The following TFDP1 variants were observed in gnomAD, a reference collection of about 807,000 sequenced individuals.
TFDP1 encodes the protein DRTF1-polypeptide 1.
A neutral mutation model predicts 48.0 loss-of-function variants in TFDP1; 6 were observed. That is an observed-to-expected ratio of 0.13 (90% CI 0.07 to 0.25). TFDP1 has a LOEUF of 0.25. Ranked by LOEUF, TFDP1 falls within the 10% of genes least tolerant of loss-of-function variation. The probability of loss-of-function intolerance (pLI) is 1.00; values close to 1 mark genes in which losing one functional copy is unlikely to be tolerated. For synonymous variants in TFDP1, 201 were observed against 211.6 expected (o/e 0.95, Z 0.44); for missense variants, 335 against 543.0 (o/e 0.62, Z 3.81).
chr13:113,604,944 T>C (rs2048528197), intron 2 of TFDP1, among the ~76,000 whole-genome samples: 1 of 152,126 alleles, frequency 6.6e-6, no homozygotes, highest in African/African-American at 2.4e-5. Context: ...TTTGTAAAGG[T>C]GAGCAGCAGC....
At chr13:113,621,300 A>C (rs73577476) in intron 3 of TFDP1, among the ~76,000 whole-genome samples, 2,217 of 152,176 alleles carry the variant, frequency 0.015, 51 homozygotes, top group African/African-American at 0.051. Flanking sequence ...TGTTTTCTTC[A>C]CCTGAGAGTA....
At chr13:113,617,297 G>A (rs188259024) in intron 3 of TFDP1, among the ~76,000 whole-genome samples, 80 of 152,316 alleles carry the variant, frequency 5.3e-4, no homozygotes, top group Middle Eastern at 6.8e-3. Flanking sequence ...TCCATGGAGC[G>A]GGTGCCTGGC....
chr13:113,619,142 T>C (rs2048932658), intron 3 of TFDP1, among the ~76,000 whole-genome samples: 1 of 152,170 alleles, frequency 6.6e-6, no homozygotes. Flanking sequence ...AATTGTCATG[T>C]TATTGTTTGT....
At chr13:113,618,923 A>G (rs2140453720) in intron 3 of TFDP1, among the ~76,000 whole-genome samples, 1 of 152,348 alleles carries the variant, frequency 6.6e-6, no homozygotes, top group African/African-American at 2.4e-5. Flanking sequence ...CACAAAAACA[A>G]TCATTTATAG....
chr13:113,638,651 G>C (rs2049565122), intron 11 of TFDP1, among the ~76,000 whole-genome samples: 1 of 152,108 alleles, frequency 6.6e-6, no homozygotes, highest in Admixed American at 6.5e-5. Flanking sequence ...TTGTTTCTAT[G>C]CTATTAAAGG....
At chr13:113,585,750 T>A (rs1419485250) in intron 1 of TFDP1, 24 bp from the exon 2 acceptor site, 4 of 1,264,294 alleles carry the variant, frequency 3.2e-6, no homozygotes. Context: ...TGTTTTTCCT[T>A]ACTTTTTTTT....
At chr13:113,610,862 T>C in intron 2 of TFDP1, 134 bp from the exon 3 acceptor site, 1 of 765,324 alleles carries the variant, frequency 1.3e-6, no homozygotes, top group South Asian at 1.7e-5. Flanking sequence ...GTTCCTGGAG[T>C]TGCTTGCTTA....
chr13:113,632,298 C>A (rs1810065129), intron 5 of TFDP1, among the ~76,000 whole-genome samples: 1 of 152,256 alleles, frequency 6.6e-6, no homozygotes, highest in African/African-American at 2.4e-5. Flanking sequence ...CCTCAGGTGG[C>A]CTTTCCCGCC....
Position 113,623,076 on chromosome 13 carries a change from T to A in TFDP1, c.80-104T>A. 1.0e-6 allele frequency: 1 copy of A among 976,120 alleles called. No homozygotes were observed. The highest frequency in any genetic ancestry group is 1.6e-6 in the Non-Finnish European group (1 of 641,482). The allele number at this position is 976,120 out of a possible 1,614,324, so 60.5% of individuals were successfully genotyped here. The stretch of plus-strand genomic sequence containing the variant: ...TTGAGACAGTACACGTGGGGAAAGC[T>A]AAGCATCTCTAATTGCAAGCACCGT... On this transcript the variant is annotated intron_variant, in intron 3 of 11. Coordinates refer to ENST00000375370, the MANE Select transcript of TFDP1 (RefSeq NM_007111.5). The surrounding 1 kb of genome is among the most constrained non-coding windows in gnomAD (Gnocchi z 5.2).
intron 3 of TFDP1, among the ~76,000 whole-genome samples, chr13:113,613,109 C>A (rs944378002): frequency 6.6e-6 from 1 of 152,178 alleles, no homozygotes; most frequent in Non-Finnish European, 1.5e-5. Context: ...CTCTGCCTCC[C>A]GGATTCAAGC....
At chr13:113,613,695 A>C (rs12873609) in intron 3 of TFDP1, among the ~76,000 whole-genome samples, 1 of 132,314 alleles carries the variant, frequency 7.6e-6, no homozygotes, top group Non-Finnish European at 1.6e-5. Context: ...GTGTGTGTGT[A>C]TGCGTGAATG....
chr13:113,622,196 C>T (rs546940593), intron 3 of TFDP1, among the ~76,000 whole-genome samples: 5 of 152,308 alleles, frequency 3.3e-5, no homozygotes, highest in South Asian at 2.1e-4. Flanking sequence ...GCCTGGCATT[C>T]GGGGCCACTA....
chr13:113,609,156 G>C (rs966431183), intron 2 of TFDP1, among the ~76,000 whole-genome samples: 2 of 152,238 alleles, frequency 1.3e-5, no homozygotes, highest in Non-Finnish European at 2.9e-5. Flanking sequence ...CGCCTCCTGG[G>C]TGCAGTCAGG....
intron 3 of TFDP1, among the ~76,000 whole-genome samples, chr13:113,613,875 G>T (rs182446520): frequency 1.2e-3 from 188 of 151,682 alleles, no homozygotes; most frequent in African/African-American, 4.3e-3. Context: ...CATGAGTTGT[G>T]TGAGTGGATG....
chr13:113,634,804 T>TGC (rs66533259), intron 8 of TFDP1, among the ~76,000 whole-genome samples: 17 of 2,138 alleles, frequency 8.0e-3, no homozygotes, highest in African/African-American at 0.028. Context: ...TGTGCATGCA[T>TGC]GTGTGTGTGC....
intron 4 of TFDP1, among the ~76,000 whole-genome samples, chr13:113,630,646 A>G (rs2049310386): frequency 1.3e-5 from 2 of 152,210 alleles, no homozygotes; most frequent in Non-Finnish European, 2.9e-5. Flanking sequence ...TGAATGATTT[A>G]ACATTTACTG....
At chr13:113,601,238 T>G (rs2048417353) in intron 2 of TFDP1, among the ~76,000 whole-genome samples, 1 of 145,022 alleles carries the variant, frequency 6.9e-6, no homozygotes, top group Non-Finnish European at 1.5e-5. Flanking sequence ...CACCTCCTAG[T>G]GCCTGTTAGG....
In TFDP1 at chr13:113,623,323, G is replaced by A. The variant is rs752706577; in HGVS notation, c.186+37G>A. 1.3e-6 allele frequency: 2 copies of A among 1,563,242 alleles called. No homozygotes were observed. The highest frequency in any genetic ancestry group is 1.2e-5 in the South Asian group (1 of 85,964). On this transcript the variant is annotated intron_variant, in intron 4 of 11. Transcript: ENST00000375370. The surrounding 1 kb of genome is among the most constrained non-coding windows in gnomAD (Gnocchi z 5.2). ...GCAGGAGCGGACAGCCGGGATCTCG[G>A]TGTGAGGTCGGGATCGGATGAGCCG...
rs2049406390 is a variant in TFDP1 at position 113,634,027 on chromosome 13, C to T, written c.612C>T (p.Asn204=). The T allele has an allele frequency of 6.2e-7, 1 of 1,614,164 alleles. No homozygotes were observed. Among genetic ancestry groups the T allele is most frequent in the Non-Finnish European group, 8.5e-7 (1 of 1,180,032 alleles). Residue 204 remains asparagine (N), a synonymous_variant, in exon 7 of 12, where the codon AAC becomes AAT. Coordinates refer to ENST00000375370, the MANE Select transcript of TFDP1 (RefSeq NM_007111.5). ...CCAACTCGGCTCAGGAATGTCAGAA[C>T]TTAGAGGTGCCCCTTCAGCCTTCCT... The part of the protein sequence containing the change: ...LPTNSAQECQ[N]LEVERQRRLE...
Sources: allele counts gnomAD v4.1 joint callset (sites outside exome capture counted in the v4.1 genomes callset), GRCh38; gene constraint gnomAD v4.1.1; non-coding constraint Gnocchi (gnomAD v3.1); transcripts MANE v1.5; gene names NCBI Gene and HGNC (gene_info 2026-07-23, HGNC 2026-07-21).